Variants in PTPRD observed in about 807,000 individuals in gnomAD.
PTPRD encodes the protein protein tyrosine phosphatase receptor type D, also known as receptor-type tyrosine-protein phosphatase delta.
PTPRD carries 34 observed loss-of-function variants against 214.5 expected under a neutral mutation model. That is an observed-to-expected ratio of 0.16 (90% CI 0.12 to 0.21). PTPRD has a LOEUF of 0.21. PTPRD is among the 10% of genes least tolerant of loss of function. The pLI is 1.00. For synonymous variants in PTPRD, 1,128 were observed against 845.7 expected (o/e 1.33, Z -5.79); for missense variants, 2,545 against 2,398.7 (o/e 1.06, Z -1.27).
chr9:8,776,180 T>C (rs2095465499), intron 11 of PTPRD, among the ~76,000 whole-genome samples: 2 of 152,156 alleles, frequency 1.3e-5, no homozygotes, highest in African/African-American at 4.8e-5. Context: ...CGCACCCTGA[T>C]TTTGGGACAG....
At chr9:9,626,350 C>T (rs983248181) in intron 7 of PTPRD, among the ~76,000 whole-genome samples, 1 of 152,266 alleles carries the variant, frequency 6.6e-6, no homozygotes, top group Non-Finnish European at 1.5e-5. Context: ...TGATTTTATA[C>T]CCTGCTGTTC....
chr9:10,032,619 C>T (rs2097103995), intron 4 of PTPRD, among the ~76,000 whole-genome samples: 1 of 152,134 alleles, frequency 6.6e-6, no homozygotes, highest in South Asian at 2.1e-4. Context: ...TGTAAAAACA[C>T]ACTTGCTACC....
Position 9,612,363 on chromosome 9 carries a change from G to A in PTPRD, c.-286-37582C>T, listed in dbSNP as rs375897631. ...GCCACCCCACGACACAAATCTGGTTGCTGCTGGGCATATTTCAAATTCAGA... is the reference window on the plus strand; with the variant it reads ...GCCACCCCACGACACAAATCTGGTTACTGCTGGGCATATTTCAAATTCAGA... On this transcript the variant is annotated intron_variant, in intron 7 of 45. Transcript: ENST00000381196. Among the ~76,000 whole-genome samples the A allele has an allele frequency of 5.3e-5, 8 of 152,254 alleles. No homozygotes were observed. The South Asian group carries it at 1.2e-3, about 24-fold the overall frequency.
intron 2 of PTPRD, among the ~76,000 whole-genome samples, chr9:10,576,617 G>A (rs150015582): frequency 0.011 from 1,729 of 152,148 alleles, 26 homozygotes; most frequent in South Asian, 0.047. Context: ...CCTGCTAAAC[G>A]ATTGTCTCAT....
intron 11 of PTPRD, among the ~76,000 whole-genome samples, chr9:8,842,463 T>A (rs2097577493): frequency 6.6e-6 from 1 of 152,200 alleles, no homozygotes; most frequent in South Asian, 2.1e-4. Context: ...ATTAGAGCAG[T>A]ACATTAGTAC....
At chr9:8,385,134 A>G (rs1297211246) in intron 37 of PTPRD, among the ~76,000 whole-genome samples, 4 of 152,228 alleles carry the variant, frequency 2.6e-5, no homozygotes, top group Admixed American at 6.5e-5. Flanking sequence ...AATACCTGCT[A>G]AGGAATCCAG....
intron 7 of PTPRD, among the ~76,000 whole-genome samples, chr9:9,635,133 T>C (rs2095717408): frequency 6.6e-6 from 1 of 152,200 alleles, no homozygotes; most frequent in South Asian, 2.1e-4. Context: ...AGGACATCTG[T>C]AGCCACACAA....
At chr9:10,605,822 A>G (rs537053457) in intron 2 of PTPRD, among the ~76,000 whole-genome samples, 24 of 151,816 alleles carry the variant, frequency 1.6e-4, no homozygotes, top group African/African-American at 5.8e-4. Flanking sequence ...TTTACTCAGC[A>G]CTCCTTGACA....
chr9:9,912,110 A>G (rs1029858507), intron 5 of PTPRD, among the ~76,000 whole-genome samples: 2 of 152,196 alleles, frequency 1.3e-5, no homozygotes, highest in East Asian at 3.8e-4. Context: ...ATACTATAAA[A>G]TAAAACCTTG....
rs559281612 is a variant in PTPRD at position 10,323,729 on chromosome 9, C to T, written c.-545+17234G>A. Among the ~76,000 whole-genome samples the T allele has an allele frequency of 1.9e-3, 286 of 151,986 alleles. 3 individuals are homozygous for T. The highest frequency in any genetic ancestry group is 6.7e-3 in the African/African-American group (277 of 41,506). On this transcript the variant is annotated intron_variant, in intron 3 of 45. Transcript: ENST00000381196. ...TAGTTCTAATCTTAAACTTTGTCTG[C>T]TGAAAGACGATTTATGCATACTTTC...
At chr9:9,833,971 C>T (rs756384561) in intron 5 of PTPRD, among the ~76,000 whole-genome samples, 9 of 151,914 alleles carry the variant, frequency 5.9e-5, no homozygotes, top group Admixed American at 1.3e-4. Flanking sequence ...GGTCCTGGAA[C>T]GATATACATC....
intron 26 of PTPRD, among the ~76,000 whole-genome samples, 193 bp downstream of exon 26, chr9:8,497,049 A>G (rs886349871): frequency 6.6e-6 from 1 of 152,224 alleles, no homozygotes; most frequent in South Asian, 2.1e-4. Flanking sequence ...TACGCAGTCA[A>G]TAGCACCATG....
At chr9:10,144,534 C>G (rs1440946680) in intron 3 of PTPRD, among the ~76,000 whole-genome samples, 1 of 152,018 alleles carries the variant, frequency 6.6e-6, no homozygotes, top group Non-Finnish European at 1.5e-5. Context: ...TCCACTTTGA[C>G]AAAGCACTCT....
intron 39 of PTPRD, among the ~76,000 whole-genome samples, chr9:8,373,322 A>C (rs1410547608): frequency 6.6e-6 from 1 of 152,042 alleles, no homozygotes; most frequent in African/African-American, 2.4e-5. Flanking sequence ...TAAAGAGGCC[A>C]AAACTTCTTA....
chr9:10,173,284 A>G (rs1489482823), intron 3 of PTPRD, among the ~76,000 whole-genome samples: 1 of 152,198 alleles, frequency 6.6e-6, no homozygotes, highest in African/African-American at 2.4e-5. Context: ...AAGAAATTAG[A>G]AAACAAAATA....
rs1216186626 is a variant in PTPRD at position 8,316,908 on chromosome 9, CTG to C, written c.*964_*965del. 9 of 230,124 alleles carry C rather than the reference CTG, an allele frequency of 3.9e-5. No homozygotes were observed. Among genetic ancestry groups the C allele is most frequent in the African/African-American group, 1.1e-4 (5 of 45,016 alleles). The allele number at this position is 230,124 out of a possible 1,614,324, so 14.3% of individuals were successfully genotyped here. A position where few individuals can be genotyped will look rare whatever the true frequency, so the allele number is the denominator to read the frequency against. On this transcript the variant is annotated 3_prime_UTR_variant, in exon 46 of 46. Coordinates refer to ENST00000381196, the MANE Select transcript of PTPRD (RefSeq NM_002839.4). ...CATGGAAGAACTGACTGACTGATAACTGTATCTATTTTTTGTGTGGACACACT... is the reference window on the plus strand; with the variant it reads ...CATGGAAGAACTGACTGACTGATAACTATCTATTTTTTGTGTGGACACACT...
intron 3 of PTPRD, among the ~76,000 whole-genome samples, chr9:10,056,905 T>C (rs563707317): frequency 7.2e-5 from 11 of 152,280 alleles, no homozygotes; most frequent in African/African-American, 2.6e-4. Context: ...TGTTCAACCT[T>C]GAAAATTCTG....
intron 9 of PTPRD, among the ~76,000 whole-genome samples, chr9:9,194,691 G>C (rs1240296141): frequency 6.6e-6 from 1 of 152,086 alleles, no homozygotes; most frequent in East Asian, 1.9e-4. Context: ...TACTTATATG[G>C]GTTTAACTTC....
chr9:10,462,013 G>C (rs1423989654), intron 2 of PTPRD, among the ~76,000 whole-genome samples: 1 of 152,180 alleles, frequency 6.6e-6, no homozygotes, highest in African/African-American at 2.4e-5. Flanking sequence ...GTGGGAGGCA[G>C]AAGCTATGAG....
Sources: gnomAD v4.1 joint callset for allele counts (sites outside exome capture counted in the v4.1 genomes callset) on GRCh38, gnomAD v4.1.1 for gene constraint, MANE v1.5 for transcripts, NCBI Gene and HGNC (gene_info 2026-07-23, HGNC 2026-07-21) for gene names.